The following NT5DC1 variants were observed in gnomAD, a reference collection of about 807,000 sequenced individuals.
NT5DC1 encodes the protein 5'-nucleotidase domain-containing protein 1.
A neutral mutation model predicts 59.4 loss-of-function variants in NT5DC1; 42 were observed. The observed-to-expected ratio is 0.71, with a 90% CI of 0.55 to 0.92. NT5DC1 has a LOEUF of 0.92. NT5DC1 is among the 40% of genes least tolerant of loss of function. The probability of loss-of-function intolerance (pLI) is 0.00; values close to 1 mark genes in which losing one functional copy is unlikely to be tolerated. For missense variants in NT5DC1, 501 were observed against 537.1 expected, an observed-to-expected ratio of 0.93 and a Z score of 0.66; for synonymous variants, 172 against 188.1, an observed-to-expected ratio of 0.91 and a Z score of 0.70.
chr6:116,154,587 A>T (rs1780134772), intron 6 of NT5DC1, among the ~76,000 whole-genome samples: 1 of 152,222 alleles, frequency 6.6e-6, no homozygotes, highest in African/African-American at 2.4e-5. Flanking sequence ...TAGAACAGTG[A>T]GGTGGTGTTT....
chr6:116,227,944 C>T (rs937629361), intron 8 of NT5DC1, among the ~76,000 whole-genome samples: 5 of 151,952 alleles, frequency 3.3e-5, no homozygotes, highest in East Asian at 1.9e-4. Flanking sequence ...TTTGTGGTTG[C>T]GTAGCTTTTT....
At chr6:116,220,732 T>C (rs563279787) in intron 6 of NT5DC1, among the ~76,000 whole-genome samples, 1 of 152,354 alleles carries the variant, frequency 6.6e-6, no homozygotes, top group South Asian at 2.1e-4. Flanking sequence ...CAATTGATAT[T>C]TCAAATGTAA....
At chr6:116,148,900 A>G (rs1000267999) in intron 6 of NT5DC1, among the ~76,000 whole-genome samples, 1 of 152,294 alleles carries the variant, frequency 6.6e-6, no homozygotes, top group African/African-American at 2.4e-5. Context: ...CATGTATTAC[A>G]TGATACCAAT....
intron 6 of NT5DC1, chr6:116,120,509 C>T (rs1252811653): frequency 1.9e-6 from 3 of 1,614,068 alleles, no homozygotes; most frequent in Admixed American, 1.7e-5. Flanking sequence ...AAGAGGGGTC[C>T]CAGAAAGACT....
At chr6:116,115,271 G>A (rs1778943856) in intron 4 of NT5DC1, among the ~76,000 whole-genome samples, 1 of 152,086 alleles carries the variant, frequency 6.6e-6, no homozygotes, top group African/African-American at 2.4e-5. Context: ...TACTCTAGGA[G>A]GGGTCAGCCA....
chr6:116,125,212 T>C, intron 6 of NT5DC1: 1 of 970,736 alleles, frequency 1.0e-6, no homozygotes, highest in Admixed American at 2.2e-5. Flanking sequence ...TTTGTTGTAA[T>C]AATTTGGGCT....
chr6:116,135,863 A>ATATGTG (rs1779584183), intron 6 of NT5DC1, among the ~76,000 whole-genome samples: 1 of 124,916 alleles, frequency 8.0e-6, no homozygotes, highest in African/African-American at 3.2e-5. Flanking sequence ...ATATATATAT[A>ATATGTG]TATATATATA....
rs73772277 is a variant in NT5DC1 at position 116,142,326 on chromosome 6, G to A, written c.529+24381G>A. ...TTTGGCATATACTTAGGAAAATGTA[G>A]TAGAGATTTCAAGTTGTAAAAAAAA... is the stretch of plus-strand genomic sequence containing the variant. On this transcript the variant is annotated intron_variant, in intron 6 of 11. Transcript: ENST00000319550. 2.3e-3 allele frequency among the ~76,000 whole-genome samples: 347 copies of A among 151,252 alleles called. 2 individuals are homozygous for A. Among genetic ancestry groups the A allele is most frequent in the African/African-American group, 8.3e-3 (340 of 41,184 alleles).
intron 6 of NT5DC1, among the ~76,000 whole-genome samples, chr6:116,199,021 A>G (rs947263033): frequency 1.3e-5 from 2 of 152,012 alleles, no homozygotes; most frequent in Non-Finnish European, 2.9e-5. Context: ...TGTTCTGTGC[A>G]TTATATAATG....
chr6:116,182,624 C>A (rs990264158), intron 6 of NT5DC1, among the ~76,000 whole-genome samples: 4 of 151,970 alleles, frequency 2.6e-5, no homozygotes, highest in African/African-American at 9.7e-5. Flanking sequence ...GTTTGCATTT[C>A]CCTGATCGCT....
At chr6:116,132,711 C>T (rs1270883764) in intron 6 of NT5DC1, among the ~76,000 whole-genome samples, 1 of 152,114 alleles carries the variant, frequency 6.6e-6, no homozygotes, top group Non-Finnish European at 1.5e-5. Context: ...ACACCAGCGA[C>T]TGGGCTAATG....
intron 8 of NT5DC1, among the ~76,000 whole-genome samples, chr6:116,225,518 A>C (rs746643577): frequency 2.0e-5 from 3 of 152,212 alleles, no homozygotes; most frequent in Non-Finnish European, 4.4e-5. Flanking sequence ...GAAAGAGGAA[A>C]GGGTAGCCAG....
chr6:116,156,267 T>G (rs956668135), intron 6 of NT5DC1, among the ~76,000 whole-genome samples: 7 of 152,192 alleles, frequency 4.6e-5, no homozygotes, highest in Admixed American at 4.6e-4. Flanking sequence ...CCCATTTCTC[T>G]AATTTTCCGG....
chr6:116,152,557 C>G lies in NT5DC1; in HGVS notation c.529+34612C>G, dbSNP rs1264700072. Among the ~76,000 whole-genome samples, 4 of 152,090 alleles carry G rather than the reference C, an allele frequency of 2.6e-5. No individual in the cohort carries two copies. The East Asian group carries it at 7.7e-4, about 29-fold the overall frequency. On this transcript the variant is annotated intron_variant, in intron 6 of 11. Coordinates refer to ENST00000319550, the MANE Select transcript of NT5DC1 (RefSeq NM_152729.3). ...GACTCCTGTGTACTGGATTTATTCCCCTCTATCTCACATGGGACTTTCATC... is the reference window on the plus strand; with the variant it reads ...GACTCCTGTGTACTGGATTTATTCCGCTCTATCTCACATGGGACTTTCATC...
chr6:116,106,873 C>CCTAAGCCA (rs1341600871), intron 2 of NT5DC1, among the ~76,000 whole-genome samples: 1 of 152,094 alleles, frequency 6.6e-6, no homozygotes, highest in Non-Finnish European at 1.5e-5. Flanking sequence ...AAACAAATAT[C>CCTAAGCCA]CTAAGCCACT....
chr6:116,228,660 T>C (rs999524097), intron 8 of NT5DC1, among the ~76,000 whole-genome samples: 2 of 152,206 alleles, frequency 1.3e-5, no homozygotes, highest in Non-Finnish European at 2.9e-5. Context: ...AATACTTTTT[T>C]CTATTTAGAA....
rs9374592 is a variant in NT5DC1, at chr6:116,169,727, A to G, written c.530-51327A>G. Among the ~76,000 whole-genome samples the G allele has an allele frequency of 3.7e-4, 57 of 152,344 alleles. No homozygotes were observed. The East Asian group carries it at 6.7e-3, about 18-fold the overall frequency. On this transcript the variant is annotated intron_variant, in intron 6 of 11. Coordinates refer to ENST00000319550, the MANE Select transcript of NT5DC1 (RefSeq NM_152729.3). ...TGGACCTCTTGGGTTTGAGATACCCATGTGATGTCCTAGAGGAGATGTGTG... is the reference window on the plus strand; with the variant it reads ...TGGACCTCTTGGGTTTGAGATACCCGTGTGATGTCCTAGAGGAGATGTGTG...
At chr6:116,242,808 C>T (rs551711004) in intron 11 of NT5DC1, among the ~76,000 whole-genome samples, 1 of 152,360 alleles carries the variant, frequency 6.6e-6, no homozygotes, top group East Asian at 1.9e-4. Flanking sequence ...AGACAACCAG[C>T]AGAGTCCAGT....
intron 6 of NT5DC1, among the ~76,000 whole-genome samples, chr6:116,203,275 T>C (rs974743401): frequency 6.6e-6 from 1 of 151,968 alleles, no homozygotes; most frequent in Non-Finnish European, 1.5e-5. Context: ...CATGAAACTA[T>C]TATGTCAGTT....
Sources: allele counts gnomAD v4.1 joint callset (sites outside exome capture counted in the v4.1 genomes callset), GRCh38; gene constraint gnomAD v4.1.1; transcripts MANE v1.5; gene names NCBI Gene and HGNC (gene_info 2026-07-23, HGNC 2026-07-21).